NRXN1: variants seen among roughly 807,000 people sequenced by gnomAD.
NRXN1 encodes neurexin 1.
A neutral mutation model predicts 150.9 loss-of-function variants in NRXN1; 39 were observed. The observed-to-expected ratio is 0.26, with a 90% confidence interval of 0.20 to 0.34. The LOEUF (loss-of-function observed/expected upper bound fraction) is 0.34, where lower values mean the gene tolerates loss of function less well. Among genes scored for constraint, NRXN1 ranks in the 10% least tolerant of loss-of-function variants. NRXN1 has a pLI of 1.00. For synonymous variants in NRXN1, 924 were observed against 757.0 expected (o/e 1.22, Z -3.62); for missense variants, 1,815 against 1,949.9 (o/e 0.93, Z 1.30).
At chr2:50,559,747 T>C (rs1477781922) in intron 8 of NRXN1, among the ~76,000 whole-genome samples, 1 of 152,180 alleles carries the variant, frequency 6.6e-6, no homozygotes, top group Non-Finnish European at 1.5e-5. Context: ...GATATATAGA[T>C]AAGTAGATAA....
intron 18 of NRXN1, among the ~76,000 whole-genome samples, chr2:50,105,684 G>C (rs1701541119): frequency 6.6e-6 from 1 of 151,992 alleles, no homozygotes; most frequent in Admixed American, 6.6e-5. Context: ...GAGAGATTTA[G>C]TTGTAGTTTC....
chr2:50,404,821 TGA>T (rs2082643101), intron 17 of NRXN1, among the ~76,000 whole-genome samples: 1 of 152,018 alleles, frequency 6.6e-6, no homozygotes, highest in African/African-American at 2.4e-5. Context: ...GCTCTAGTGG[TGA>T]GAGACCTTTC....
intron 5 of NRXN1, among the ~76,000 whole-genome samples, chr2:50,753,914 T>A (rs1198772146): frequency 7.0e-6 from 1 of 142,948 alleles, no homozygotes; most frequent in Admixed American, 7.0e-5. Context: ...AGCAGCTCAT[T>A]ATTTTACAAT....
At position 50,612,414 on chromosome 2, in the gene NRXN1, G is replaced by C. The variant is rs539811946; in HGVS notation, c.1320+7608C>G. On this transcript the variant is annotated intron_variant, in intron 8 of 22. Coordinates refer to ENST00000401669, the MANE Select transcript of NRXN1 (RefSeq NM_001330078.2). ...TTCTTCCATTACTCCCTTTCTGATA[G>C]GTTTGAAATACCAAGTATCAAATTA... Among the ~76,000 whole-genome samples the C allele has an allele frequency of 2.6e-5, 4 of 152,080 alleles. No homozygotes were observed. In the South Asian group the frequency reaches 8.3e-4, roughly 32 times the overall value.
chr2:50,574,456 A>C (rs929866951), intron 8 of NRXN1, among the ~76,000 whole-genome samples: 9 of 152,248 alleles, frequency 5.9e-5, no homozygotes, highest in African/African-American at 1.9e-4. Context: ...GCATATCTCT[A>C]ATAAAAAAAT....
chr2:50,235,427 G>T (rs1281981911), intron 18 of NRXN1, among the ~76,000 whole-genome samples: 1 of 152,066 alleles, frequency 6.6e-6, no homozygotes, highest in Non-Finnish European at 1.5e-5. Flanking sequence ...TAATGGCTGT[G>T]CTGAGGGGTT....
intron 2 of NRXN1, chr2:51,026,455 G>A: frequency 6.2e-7 from 1 of 1,601,268 alleles, no homozygotes. Flanking sequence ...ACACACTGAA[G>A]ACCGAATTTT....
In NRXN1 at chr2:50,185,573, A is replaced by G. The variant is rs189194487; in HGVS notation, c.3546+51216T>C. 58 of 152,164 alleles carry G rather than the reference A, an allele frequency of 3.8e-4. 1 individual carries two copies. The highest frequency in any genetic ancestry group is 3.8e-3 in the Admixed American group (58 of 15,230). The allele number at this position is 152,164 out of a possible 1,614,324, so 9.4% of individuals were successfully genotyped here. On this transcript the variant is annotated intron_variant, in intron 18 of 22. Transcript: ENST00000401669. ...CCTCAGATGCATTGAGAGCCAGTGT[A>G]CTTTGTCTTTGCTCTTGTTCCTGCC...
chr2:50,045,055 A>G (rs1157848943), intron 21 of NRXN1, among the ~76,000 whole-genome samples: 1 of 152,182 alleles, frequency 6.6e-6, no homozygotes, highest in Non-Finnish European at 1.5e-5. Flanking sequence ...GCTGTTTGGT[A>G]AATGCTGAAT....
chr2:50,106,543 C>CT (rs1177791486), intron 18 of NRXN1, among the ~76,000 whole-genome samples: 1 of 151,884 alleles, frequency 6.6e-6, no homozygotes, highest in Non-Finnish European at 1.5e-5. Context: ...TGACAGGTGA[C>CT]TAAGAGATGT....
chr2:50,500,284 C>G (rs560535815), intron 13 of NRXN1, among the ~76,000 whole-genome samples: 1 of 151,828 alleles, frequency 6.6e-6, no homozygotes, highest in Non-Finnish European at 1.5e-5. Context: ...AATATGCACA[C>G]AGAGCATAAA....
At chr2:51,014,844 G>C (rs1475657925) in intron 2 of NRXN1, among the ~76,000 whole-genome samples, 2 of 152,032 alleles carry the variant, frequency 1.3e-5, no homozygotes, top group African/African-American at 2.4e-5. Flanking sequence ...GCTGAAAATA[G>C]TGCCTGACAC....
In NRXN1 at chr2:49,995,878, A is replaced by G. The variant is rs113794745; in HGVS notation, c.4129-52087T>C. Among the ~76,000 whole-genome samples, 778 of 141,422 alleles carry G rather than the reference A, an allele frequency of 5.5e-3. 7 individuals are homozygous for G. Among genetic ancestry groups the G allele is most frequent in the African/African-American group, 0.018 (712 of 39,344 alleles). The allele number at this position is 141,422 out of a possible 152,430, so 92.8% of individuals were successfully genotyped here. On this transcript the variant is annotated intron_variant, in intron 21 of 22. Coordinates refer to ENST00000401669, the MANE Select transcript of NRXN1 (RefSeq NM_001330078.2). Reference sequence around the variant, plus strand: ...CTGGATAGTAAAAAAAAAAAAAAAAAAAAAAGAAAAAAGGATTTAGAGAGC... The same window carrying G: ...CTGGATAGTAAAAAAAAAAAAAAAAGAAAAAGAAAAAAGGATTTAGAGAGC...
At chr2:50,961,553 T>C (rs1693202179) in intron 2 of NRXN1, among the ~76,000 whole-genome samples, 2 of 151,862 alleles carry the variant, frequency 1.3e-5, no homozygotes, top group African/African-American at 2.4e-5. Context: ...CGGACTTTTA[T>C]AGACAGAGTA....
intron 5 of NRXN1, among the ~76,000 whole-genome samples, chr2:50,744,688 T>G (rs1326581291): frequency 6.6e-6 from 1 of 152,126 alleles, no homozygotes; most frequent in Non-Finnish European, 1.5e-5. Context: ...TAGAGAGATA[T>G]TACCTGTTTA....
intron 18 of NRXN1, among the ~76,000 whole-genome samples, chr2:50,187,669 T>C (rs985231715): frequency 2.0e-5 from 3 of 152,138 alleles, no homozygotes; most frequent in Admixed American, 6.6e-5. Flanking sequence ...ATTGAATCTA[T>C]ACATTACCTT....
chr2:50,869,179 G>A (rs1041943654), intron 5 of NRXN1, among the ~76,000 whole-genome samples: 3 of 151,616 alleles, frequency 2.0e-5, no homozygotes, highest in African/African-American at 7.3e-5. Flanking sequence ...GTTCAATAAT[G>A]AAGCAATTAA....
Position 49,920,593 on chromosome 2 carries a change from C to G in NRXN1, c.*1351G>C, listed in dbSNP as rs556129126. On this transcript the variant is annotated 3_prime_UTR_variant, in exon 23 of 23. Coordinates refer to ENST00000401669, the MANE Select transcript of NRXN1 (RefSeq NM_001330078.2). ...AAATCACCCCATTTGTCATCAATAC[C>G]TTGGCACAACCCTCTTCCTTCCTGC... 6.6e-6 allele frequency: 1 copy of G among 152,456 alleles called. No homozygotes were observed. 9.4% of individuals were successfully genotyped at this position (152,456 alleles called of 1,614,324 possible).
In NRXN1 at chr2:50,827,970, T is replaced by C. The variant is rs1188641907; in HGVS notation, c.832+93899A>G. Among the ~76,000 whole-genome samples, 38 of 143,572 alleles carry C rather than the reference T, an allele frequency of 2.6e-4. 1 individual carries two copies. The highest frequency in any genetic ancestry group is 9.5e-4 in the African/African-American group (38 of 39,940). 94.2% of individuals were successfully genotyped at this position (143,572 alleles called of 152,430 possible). A position where few individuals can be genotyped will look rare whatever the true frequency, so the allele number is the denominator to read the frequency against. ...CCCAAGGCAGAAGAATTTTTCTTAG[T>C]ACAGAACGAAATGAAAAGTCTCCCA... On this transcript the variant is annotated intron_variant, in intron 5 of 22. Coordinates refer to ENST00000401669, the MANE Select transcript of NRXN1 (RefSeq NM_001330078.2).
Sources: gnomAD v4.1 joint callset for allele counts (sites outside exome capture counted in the v4.1 genomes callset) on GRCh38, gnomAD v4.1.1 for gene constraint, MANE v1.5 for transcripts, NCBI Gene and HGNC (gene_info 2026-07-23, HGNC 2026-07-21) for gene names.